The following CAPZB variants were observed in gnomAD, a reference collection of about 807,000 sequenced individuals.
CAPZB encodes the protein capping actin protein of muscle Z-line subunit beta.
Under a neutral mutation model 38.1 loss-of-function variants are expected in CAPZB, and 2 were observed. The ratio of observed to expected loss-of-function variants is 0.05; its 90% CI spans 0.02 to 0.17. The LOEUF is 0.17. Ranked by LOEUF, CAPZB falls within the 10% of genes least tolerant of loss-of-function variation. The pLI, the probability that CAPZB is intolerant of heterozygous loss-of-function variation, is 1.00. For synonymous variants in CAPZB, 107 were observed against 127.4 expected, an observed-to-expected ratio of 0.84 and a Z score of 1.08; for missense variants, 161 against 334.2, an observed-to-expected ratio of 0.48 and a Z score of 4.04.
chr1:19,443,224 CA>C (rs60052942), intron 1 of CAPZB, among the ~76,000 whole-genome samples: 136 of 138,686 alleles, frequency 9.8e-4, no homozygotes, highest in Middle Eastern at 3.6e-3. Context: ...CCCATCTCTA[CA>C]AAAAAAAAAA....
chr1:19,394,669 T>C (rs932631598), intron 2 of CAPZB, among the ~76,000 whole-genome samples: 2 of 152,074 alleles, frequency 1.3e-5, no homozygotes, highest in Admixed American at 1.3e-4. Flanking sequence ...TGAGCAGAGA[T>C]CGCGCCACAG....
chr1:19,485,363 G>A (rs1379954306), intron 1 of CAPZB, 73 bp downstream of exon 1: 9 of 1,078,404 alleles, frequency 8.3e-6, no homozygotes, highest in Non-Finnish European at 1.1e-5. Flanking sequence ...CCCAGGCCAG[G>A]GATGGGCAGG....
chr1:19,387,267 C>A (rs1325932085), intron 2 of CAPZB, among the ~76,000 whole-genome samples: 1 of 152,232 alleles, frequency 6.6e-6, no homozygotes, highest in Non-Finnish European at 1.5e-5. Context: ...TCCTCCTACT[C>A]TAACTTTGGT....
intron 4 of CAPZB, among the ~76,000 whole-genome samples, chr1:19,361,642 C>A (rs2094053575): frequency 1.3e-5 from 2 of 152,212 alleles, no homozygotes; most frequent in Admixed American, 6.5e-5. Flanking sequence ...AAATTTATTT[C>A]TTACCTACTG....
intron 4 of CAPZB, among the ~76,000 whole-genome samples, chr1:19,362,261 G>C (rs11583185): frequency 0.033 from 5,054 of 152,202 alleles, 132 homozygotes; most frequent in Middle Eastern, 0.082. Context: ...TTTTGAGACA[G>C]AGTCTCGCTC....
At chr1:19,342,911 C>G in intron 8 of CAPZB, 1 of 1,199,910 alleles carries the variant, frequency 8.3e-7, no homozygotes, top group Non-Finnish European at 1.2e-6. Flanking sequence ...AAGAGAACGA[C>G]GAGAAGCCAG....
intron 4 of CAPZB, among the ~76,000 whole-genome samples, chr1:19,364,335 C>T (rs1440216640): frequency 6.6e-6 from 1 of 152,196 alleles, no homozygotes; most frequent in African/African-American, 2.4e-5. Context: ...AGGGCAGGTT[C>T]CTAACATCTT....
chr1:19,403,623 G>T (rs2094314952), intron 2 of CAPZB, among the ~76,000 whole-genome samples: 2 of 152,238 alleles, frequency 1.3e-5, no homozygotes, highest in African/African-American at 2.4e-5. Flanking sequence ...ATTTTGGCAA[G>T]ACTACTCTGT....
chr1:19,406,771 G>C (rs910038088), intron 2 of CAPZB, among the ~76,000 whole-genome samples: 2 of 152,184 alleles, frequency 1.3e-5, no homozygotes, highest in Non-Finnish European at 2.9e-5. Flanking sequence ...CCTGGCACAC[G>C]ATAGTCATCT....
chr1:19,485,290 G>C (rs1301464248), intron 1 of CAPZB, 146 bp downstream of exon 1: 1 of 482,578 alleles, frequency 2.1e-6, no homozygotes, highest in African/African-American at 2.0e-5. Flanking sequence ...CCTGGGCGGG[G>C]AGGGACCGGG....
rs1258001295 is a variant in CAPZB at position 19,423,915 on chromosome 1, G to T, written c.4-4165C>A. On this transcript the variant is annotated intron_variant, in intron 1 of 8. Transcript: ENST00000264202. Reference sequence around the variant, plus strand: ...TGGTCTCAAACGCTTGACCTCAAGCGATCCGCCCACCTCGGCCTCCCAAAG... The same window carrying T: ...TGGTCTCAAACGCTTGACCTCAAGCTATCCGCCCACCTCGGCCTCCCAAAG... Among the ~76,000 whole-genome samples the T allele has an allele frequency of 2.6e-5, 4 of 152,046 alleles. No individual in the cohort carries two copies. The East Asian group carries it at 7.7e-4, about 29-fold the overall frequency.
intron 1 of CAPZB, among the ~76,000 whole-genome samples, chr1:19,456,014 C>T (rs1193789435): frequency 1.3e-5 from 2 of 152,188 alleles, no homozygotes; most frequent in African/African-American, 2.4e-5. Flanking sequence ...TGGGTTCAAG[C>T]GGTTCTCCTG....
intron 1 of CAPZB, among the ~76,000 whole-genome samples, chr1:19,469,707 CAAGG>C (rs2094580107): frequency 1.3e-5 from 2 of 149,038 alleles, no homozygotes; most frequent in Admixed American, 6.7e-5. Context: ...GGACTTATCT[CAAGG>C]AAGGAAGATA....
intron 1 of CAPZB, among the ~76,000 whole-genome samples, chr1:19,441,879 A>G (rs553507879): frequency 6.6e-6 from 1 of 151,962 alleles, no homozygotes; most frequent in Non-Finnish European, 1.5e-5. Flanking sequence ...GTGGTGGTGG[A>G]TGCCTTGTAA....
intron 1 of CAPZB, among the ~76,000 whole-genome samples, chr1:19,469,784 A>ACACACACGCC (rs891938648): frequency 4.7e-5 from 7 of 149,018 alleles, no homozygotes; most frequent in African/African-American, 1.2e-4. Flanking sequence ...ACACACACAC[A>ACACACACGCC]CGCCCGCCCA....
At chr1:19,370,363 G>C (rs1459645386) in intron 4 of CAPZB, among the ~76,000 whole-genome samples, 1 of 152,206 alleles carries the variant, frequency 6.6e-6, no homozygotes, top group South Asian at 2.1e-4. Context: ...GGTTATTGAA[G>C]GGAACAGAGC....
At chr1:19,355,236 G>A (rs1340556958) in intron 6 of CAPZB, among the ~76,000 whole-genome samples, 1 of 152,240 alleles carries the variant, frequency 6.6e-6, no homozygotes, top group Non-Finnish European at 1.5e-5. Context: ...GCTTATGCCT[G>A]TAATCCCAAC....
intron 4 of CAPZB, among the ~76,000 whole-genome samples, chr1:19,377,211 C>T (rs1444857136): frequency 6.6e-6 from 1 of 152,170 alleles, no homozygotes; most frequent in Non-Finnish European, 1.5e-5. Context: ...GTCAGCTTTT[C>T]AGTATCACTG....
Position 19,363,375 on chromosome 1 carries a change from G to A in CAPZB, c.330-5812C>T, listed in dbSNP as rs74393533. Among the ~76,000 whole-genome samples, 674 of 147,146 alleles carry A rather than the reference G, an allele frequency of 4.6e-3. 2 individuals are homozygous for A. Among genetic ancestry groups the A allele is most frequent in the Non-Finnish European group, 5.6e-3 (375 of 67,460 alleles). On this transcript the variant is annotated intron_variant, in intron 4 of 8. Coordinates refer to ENST00000264202, the MANE Select transcript of CAPZB (RefSeq NM_004930.5). ...ACATCTGGTTGGGTTTTTGTCTATC[G>A]TCACCTTGGTCCCTAAACGTGGATC...
Sources: gnomAD v4.1 joint callset for allele counts (sites outside exome capture counted in the v4.1 genomes callset) on GRCh38, gnomAD v4.1.1 for gene constraint, MANE v1.5 for transcripts, NCBI Gene and HGNC (gene_info 2026-07-23, HGNC 2026-07-21) for gene names.